The following SMCO2 variants were observed in gnomAD, a reference collection of about 807,000 sequenced individuals.
The protein encoded by SMCO2 is single-pass membrane protein with coiled-coil domains 2.
A neutral mutation model predicts 29.5 loss-of-function variants in SMCO2; 25 were observed. That is an observed-to-expected ratio of 0.85 (90% CI 0.62 to 1.18). SMCO2 has a LOEUF of 1.18. SMCO2 is among the 50% of genes most tolerant of loss of function. The pLI, the probability that SMCO2 is intolerant of heterozygous loss-of-function variation, is 0.00. For synonymous variants in SMCO2, 117 were observed against 123.3 expected (o/e 0.95, Z 0.34); for missense variants, 348 against 344.5 (o/e 1.01, Z -0.08).
the SMCO2 span, among the ~76,000 whole-genome samples, chr12:27,447,881 C>T: frequency 6.6e-5 from 10 of 152,158 alleles, no homozygotes; most frequent in African/African-American, 1.4e-4. Context: ...TCTGGACTTA[C>T]GCGTCTGAGC....
chr12:27,481,309 A>G (rs904185153), intron 4 of SMCO2, among the ~76,000 whole-genome samples: 2 of 152,224 alleles, frequency 1.3e-5, no homozygotes, highest in African/African-American at 4.8e-5. Context: ...TACTGGTCTC[A>G]GGGCCTGCAA....
In SMCO2 at chr12:27,488,339, A is replaced by G. The variant is rs995361895; in HGVS notation, c.363-121A>G. The G allele has an allele frequency of 9.2e-6, 5 of 541,314 alleles. No individual in the cohort carries two copies. The African/African-American group carries it at 9.8e-5, about 11-fold the overall frequency. 33.5% of individuals were successfully genotyped at this position (541,314 alleles called of 1,614,324 possible). ...TTCATTTACTTCCCATTGCAATACA[A>G]GCACTACCAAAGCATCCTTTTATAT... On this transcript the variant is annotated intron_variant, in intron 4 of 7. Coordinates refer to ENST00000298876, the Ensembl canonical transcript of SMCO2.
At chr12:27,476,828 T>A (rs1420300179) in intron 4 of SMCO2, among the ~76,000 whole-genome samples, 2 of 152,070 alleles carry the variant, frequency 1.3e-5, no homozygotes, top group African/African-American at 4.8e-5. Flanking sequence ...TTTAAATGGG[T>A]AATGTAATCC....
At chr12:27,472,366 C>T (rs441433) in intron 2 of SMCO2, among the ~76,000 whole-genome samples, 1 of 151,932 alleles carries the variant, frequency 6.6e-6, no homozygotes, top group African/African-American at 2.4e-5. Flanking sequence ...GGACAGCTGG[C>T]GGGGTGGAGA....
At chr12:27,454,993 C>A in the SMCO2 span, among the ~76,000 whole-genome samples, 1 of 152,202 alleles carries the variant, frequency 6.6e-6, no homozygotes, top group East Asian at 1.9e-4. Context: ...TTCTTTTAAT[C>A]AATTCCTATC....
chr12:27,482,253 T>A (rs1336188967), intron 4 of SMCO2, among the ~76,000 whole-genome samples: 1 of 152,182 alleles, frequency 6.6e-6, no homozygotes, highest in Non-Finnish European at 1.5e-5. Context: ...CCTTTTGATC[T>A]CTCCTTTGAC....
chr12:27,495,626 G>T, intron 6 of SMCO2, 54 bp from the exon 8 acceptor site: 1 of 1,406,298 alleles, frequency 7.1e-7, no homozygotes, highest in South Asian at 1.7e-5. Flanking sequence ...TCTATAGTAA[G>T]ACTTGGAGAC....
At chr12:27,479,255 T>G (rs368275) in intron 4 of SMCO2, among the ~76,000 whole-genome samples, 18,250 of 151,942 alleles carry the variant, frequency 0.12, 2,099 homozygotes, top group African/African-American at 0.28. Flanking sequence ...TAGTGTGCCC[T>G]GGTGCCAACA....
At chr12:27,502,114 C>A in exon 8 of SMCO2, 8 of 1,532,250 alleles carry the variant, frequency 5.2e-6, no homozygotes, top group Non-Finnish European at 7.0e-6. Context: ...GCCTTGTTAC[C>A]CTCCTAAAGA....
chr12:27,472,845 C>T (rs374752907), exon 3 of SMCO2: 114 of 1,550,560 alleles, frequency 7.4e-5, no homozygotes, highest in African/African-American at 1.1e-4. Context: ...ACATTTCCTC[C>T]GAAAACCCTC....
At chr12:27,455,301 G>T in the SMCO2 span, among the ~76,000 whole-genome samples, 1 of 152,104 alleles carries the variant, frequency 6.6e-6, no homozygotes, top group Non-Finnish European at 1.5e-5. Context: ...GGGCATATTG[G>T]TACAAGCTTT....
At chr12:27,475,551 T>G in intron 4 of SMCO2, 31 bp from the exon 5 acceptor site, 2 of 1,499,346 alleles carry the variant, frequency 1.3e-6, no homozygotes, top group African/African-American at 2.9e-5. Flanking sequence ...CATTTTCTGC[T>G]TTGAAAATGA....
the SMCO2 span, among the ~76,000 whole-genome samples, chr12:27,454,751 G>A: frequency 2.0e-5 from 3 of 152,226 alleles, no homozygotes; most frequent in African/African-American, 2.4e-5. Flanking sequence ...ACGGGCCCCA[G>A]TGTGTGATGT....
the SMCO2 span, among the ~76,000 whole-genome samples, chr12:27,426,549 G>T: frequency 1.3e-5 from 2 of 152,182 alleles, no homozygotes; most frequent in African/African-American, 4.8e-5. Context: ...ATTAGCTTAT[G>T]TAAAGTGCTT....
chr12:27,470,815 G>A (rs937851657), intron 2 of SMCO2, 50 bp downstream of exon 2: 4 of 1,537,994 alleles, frequency 2.6e-6, no homozygotes, highest in East Asian at 2.5e-5. Context: ...CCCAACTGCA[G>A]ACGTTCTTGG....
intron 3 of SMCO2, 96 bp downstream of exon 3, chr12:27,472,971 A>G (rs1949554070): frequency 1.1e-6 from 1 of 888,736 alleles, no homozygotes; most frequent in Non-Finnish European, 1.7e-6. Context: ...GTAAGAAAAT[A>G]TCTGAGGGTT....
intron 4 of SMCO2, among the ~76,000 whole-genome samples, chr12:27,481,344 A>G (rs908185931): frequency 1.3e-5 from 2 of 152,256 alleles, no homozygotes; most frequent in African/African-American, 4.8e-5. Context: ...TCCTGTGGCT[A>G]GGACTGCAGA....
chr12:27,461,584 G>A, the SMCO2 span, among the ~76,000 whole-genome samples: 1 of 152,190 alleles, frequency 6.6e-6, no homozygotes, highest in Non-Finnish European at 1.5e-5. Flanking sequence ...CACGGATAAG[G>A]AGAGTTGGCT....
chr12:27,467,384 A>C (rs964956366), intron 1 of SMCO2, among the ~76,000 whole-genome samples: 1 of 151,766 alleles, frequency 6.6e-6, no homozygotes, highest in Non-Finnish European at 1.5e-5. Flanking sequence ...AAAGGTCTAG[A>C]GTATGAGTAA....
Sources: gnomAD v4.1 joint callset for allele counts (sites outside exome capture counted in the v4.1 genomes callset) on GRCh38, gnomAD v4.1.1 for gene constraint, MANE v1.5 for transcripts, NCBI Gene and HGNC (gene_info 2026-07-23, HGNC 2026-07-21) for gene names.